TFEC: variants seen among roughly 807,000 people sequenced by gnomAD.
TFEC encodes class E basic helix-loop-helix protein 34.
Under a neutral mutation model 41.6 loss-of-function variants are expected in TFEC, and 31 were observed. The ratio of observed to expected loss-of-function variants is 0.74; its 90% CI spans 0.56 to 1.01. The LOEUF is 1.01. Among genes scored for constraint, TFEC ranks in the 50% least tolerant of loss-of-function variants. The probability of loss-of-function intolerance (pLI) is 0.00; values close to 1 mark genes in which losing one functional copy is unlikely to be tolerated. For synonymous variants in TFEC, 143 were observed against 140.6 expected, an observed-to-expected ratio of 1.02 and a Z score of -0.12; for missense variants, 402 against 404.1, an observed-to-expected ratio of 0.99 and a Z score of 0.04.
chr7:116,027,481 A>G (rs1795629814), intron 1 of TFEC, among the ~76,000 whole-genome samples: 1 of 152,150 alleles, frequency 6.6e-6, no homozygotes. Flanking sequence ...CTGTAGTACC[A>G]GCTACTCTGG....
At chr7:116,015,358 TTC>T (rs1168023476) in intron 1 of TFEC, among the ~76,000 whole-genome samples, 1 of 152,066 alleles carries the variant, frequency 6.6e-6, no homozygotes, top group Non-Finnish European at 1.5e-5. Flanking sequence ...AGGAAAAAAG[TTC>T]TCTCTTTTTC....
chr7:116,136,453 T>C (rs1798434669), intron 1 of TFEC, among the ~76,000 whole-genome samples: 1 of 151,964 alleles, frequency 6.6e-6, no homozygotes, highest in African/African-American at 2.4e-5. Flanking sequence ...AAATGTACCA[T>C]TACATACTAA....
At position 115,950,175 on chromosome 7, in the gene TFEC, C is replaced by T. The variant is rs893145467; in HGVS notation, c.515+699G>A. On this transcript the variant is annotated intron_variant, in intron 6 of 7. Transcript: ENST00000265440. ...TACAGGCATGCACCACCACACCTGG[C>T]TAACTTTTGTATTTTTAATAGAGAC... 7.2e-5 allele frequency among the ~76,000 whole-genome samples: 11 copies of T among 151,952 alleles called. No homozygotes were observed. The South Asian group carries it at 2.3e-3, about 32-fold the overall frequency.
At chr7:115,948,219 CA>C (rs1416584606) in intron 6 of TFEC, among the ~76,000 whole-genome samples, 1 of 151,214 alleles carries the variant, frequency 6.6e-6, no homozygotes, top group African/African-American at 2.4e-5. Flanking sequence ...GCTTACCAAC[CA>C]AAAAGAGTCC....
chr7:116,064,355 T>C (rs1301195894), intron 3 of TFEC, among the ~76,000 whole-genome samples: 1 of 151,138 alleles, frequency 6.6e-6, no homozygotes, highest in Non-Finnish European at 1.5e-5. Flanking sequence ...ATATATATAT[T>C]ATTTTTATTT....
At chr7:116,075,015 T>C (rs1035826710) in intron 3 of TFEC, among the ~76,000 whole-genome samples, 14 of 152,132 alleles carry the variant, frequency 9.2e-5, no homozygotes, top group African/African-American at 3.1e-4. Flanking sequence ...TCAAAGACAC[T>C]ACTAACAAAA....
At chr7:116,136,341 C>G (rs748688946) in intron 1 of TFEC, among the ~76,000 whole-genome samples, 10 of 151,846 alleles carry the variant, frequency 6.6e-5, no homozygotes, top group African/African-American at 2.4e-4. Context: ...AACTCAAATA[C>G]GCATATCTGC....
intron 1 of TFEC, among the ~76,000 whole-genome samples, chr7:116,142,065 T>C (rs550695152): frequency 3.9e-5 from 6 of 152,214 alleles, no homozygotes; most frequent in African/African-American, 1.4e-4. Context: ...GAGAACACTG[T>C]GCCTTACTGT....
chr7:116,085,234 C>A (rs1447902771), intron 3 of TFEC, among the ~76,000 whole-genome samples: 1 of 151,744 alleles, frequency 6.6e-6, no homozygotes, highest in African/African-American at 2.4e-5. Context: ...TAGATAGAAA[C>A]CAGATCATGC....
intron 3 of TFEC, among the ~76,000 whole-genome samples, chr7:116,046,545 T>C (rs1362353408): frequency 6.6e-6 from 1 of 152,184 alleles, no homozygotes; most frequent in African/African-American, 2.4e-5. Flanking sequence ...CAGTCTCAGA[T>C]GTGTCTTTAT....
At chr7:116,010,616 T>A (rs941276333) in intron 1 of TFEC, among the ~76,000 whole-genome samples, 1 of 152,158 alleles carries the variant, frequency 6.6e-6, no homozygotes, top group African/African-American at 2.4e-5. Context: ...TTATATGACA[T>A]CCACACTTAA....
At chr7:115,968,366 T>C in intron 3 of TFEC, 1 of 1,371,708 alleles carries the variant, frequency 7.3e-7, no homozygotes, top group South Asian at 1.8e-5. Flanking sequence ...AGATTGTGAT[T>C]GACAAAAGCT....
chr7:116,079,627 C>T (rs997173370), intron 3 of TFEC, among the ~76,000 whole-genome samples: 3 of 151,934 alleles, frequency 2.0e-5, no homozygotes, highest in East Asian at 1.9e-4. Flanking sequence ...TAACCAAGAA[C>T]TTGAAAGACC....
At chr7:116,026,487 A>G (rs150167042) in intron 1 of TFEC, among the ~76,000 whole-genome samples, 6 of 152,180 alleles carry the variant, frequency 3.9e-5, no homozygotes, top group Non-Finnish European at 8.8e-5. Context: ...CGCACCAGGT[A>G]CACTCCTCCT....
intron 1 of TFEC, among the ~76,000 whole-genome samples, chr7:116,029,644 AAT>A (rs941492641): frequency 6.6e-6 from 1 of 151,916 alleles, no homozygotes; most frequent in Non-Finnish European, 1.5e-5. Context: ...AACTTATATA[AAT>A]ATATATGAAA....
chr7:116,061,183 G>T lies in TFEC; in HGVS notation c.198+49525C>A, dbSNP rs566133853. 1.3e-4 allele frequency among the ~76,000 whole-genome samples: 20 copies of T among 152,194 alleles called. 1 individual carries two copies. The highest frequency in any genetic ancestry group is 4.3e-4 in the African/African-American group (18 of 41,554). The stretch of plus-strand genomic sequence containing the variant: ...AAAATAATGGAAAAATAAGATAAAG[G>T]TTGGAAGATTAACACTACCTTCTTT... On this transcript the variant is annotated intron_variant, in intron 3 of 8. Transcript: ENST00000484212.
chr7:116,039,209 G>C (rs1795976574), intron 3 of TFEC, among the ~76,000 whole-genome samples: 1 of 152,008 alleles, frequency 6.6e-6, no homozygotes, highest in Non-Finnish European at 1.5e-5. Flanking sequence ...ATAAAAGTTA[G>C]TTTTTCTATA....
At chr7:116,073,183 A>G (rs1433143836) in intron 3 of TFEC, among the ~76,000 whole-genome samples, 1 of 151,714 alleles carries the variant, frequency 6.6e-6, no homozygotes, top group Non-Finnish European at 1.5e-5. Flanking sequence ...ATAAATTTCC[A>G]TAAGTAAGGA....
At chr7:116,069,793 A>G (rs1211703730) in intron 3 of TFEC, among the ~76,000 whole-genome samples, 1 of 151,574 alleles carries the variant, frequency 6.6e-6, no homozygotes, top group Non-Finnish European at 1.5e-5. Context: ...TCTTTTGCCA[A>G]CCACAATTCA....
Sources: gnomAD v4.1 joint callset for allele counts (sites outside exome capture counted in the v4.1 genomes callset) on GRCh38, gnomAD v4.1.1 for gene constraint, MANE v1.5 for transcripts, NCBI Gene and HGNC (gene_info 2026-07-23, HGNC 2026-07-21) for gene names.